The following PCDH11X variants were observed in gnomAD, a reference collection of about 807,000 sequenced individuals.
PCDH11X encodes the protein protocadherin 11 X-linked.
In PCDH11X, 18 loss-of-function variants were observed where a neutral mutation model predicts 53.3. The ratio of observed to expected loss-of-function variants is 0.34; its 90% CI spans 0.23 to 0.50. The LOEUF is 0.50. Among genes scored for constraint, PCDH11X ranks in the 20% least tolerant of loss-of-function variants. PCDH11X has a pLI of 0.98. For missense variants in PCDH11X, 570 were observed against 1,032.4 expected (o/e 0.55, Z 6.14); for synonymous variants, 279 against 393.3 (o/e 0.71, Z 3.44).
chrX:92,577,189 TG>T (rs1358507495), intron 10 of PCDH11X, among the ~76,000 whole-genome samples: 1 of 110,613 alleles, frequency 9.0e-6, no homozygotes, highest in African/African-American at 3.3e-5. Context: ...TTTTTTTGGT[TG>T]GTAGGTTATT....
chrX:92,052,101 A>G (rs1186309196), intron 6 of PCDH11X, among the ~76,000 whole-genome samples: 1 of 111,205 alleles, frequency 9.0e-6, no homozygotes, highest in Admixed American at 9.6e-5. Flanking sequence ...CCCCACAGCA[A>G]CTCAGAGGAG....
At chrX:92,051,813 T>C (rs2148048149) in intron 6 of PCDH11X, among the ~76,000 whole-genome samples, 1 of 110,864 alleles carries the variant, frequency 9.0e-6, no homozygotes, top group Non-Finnish European at 1.9e-5. Flanking sequence ...GTTGTACAAC[T>C]GTCTGAATAT....
At chrX:92,024,384 A>T (rs1353557225) in intron 6 of PCDH11X, among the ~76,000 whole-genome samples, 1 of 110,913 alleles carries the variant, frequency 9.0e-6, no homozygotes, top group Non-Finnish European at 1.9e-5. Flanking sequence ...ACAAGCAGAG[A>T]GCCAAATCAT....
chrX:91,880,710 G>A (rs1939852555), intron 6 of PCDH11X, among the ~76,000 whole-genome samples: 1 of 109,924 alleles, frequency 9.1e-6, no homozygotes, highest in Non-Finnish European at 1.9e-5. Flanking sequence ...AAGAATTTAC[G>A]CTGCAGTTGT....
Position 92,595,866 on chromosome X carries a change from A to G in PCDH11X, c.3368-22398A>G, listed in dbSNP as rs1367094143. Among the ~76,000 whole-genome samples the G allele has an allele frequency of 1.3e-3, 110 of 84,059 alleles. 1 individual carries two copies. Among genetic ancestry groups the G allele is most frequent in the African/African-American group, 4.7e-3 (105 of 22,473 alleles). The allele number at this position is 84,059 out of a possible 115,157, so 73.0% of individuals were successfully genotyped here. A position where few individuals can be genotyped will look rare whatever the true frequency, so the allele number is the denominator to read the frequency against. On this transcript the variant is annotated intron_variant, in intron 10 of 10. Transcript: ENST00000682573. ...TCCTCTATACCTAAAGATGCTTTAA[A>G]TCTAACACCTGGATAAATTGTACCC...
rs201266408 is a variant in PCDH11X, at chrX:91,854,469, C to T, written c.540+18425C>T. Among the ~76,000 whole-genome samples the T allele has an allele frequency of 6.2e-5, 7 of 112,517 alleles. No homozygotes were observed. In the East Asian group the frequency reaches 1.7e-3, roughly 27 times the overall value. ...AGTGCTGCAAAAAAGCCTGGGAGTG[C>T]AGATATCACTTTGATATACTTATCT... On this transcript the variant is annotated intron_variant, in intron 5 of 10. Coordinates refer to ENST00000682573, the MANE Select transcript of PCDH11X (RefSeq NM_032968.5).
chrX:92,467,644 A>G (rs2073182167), intron 9 of PCDH11X, among the ~76,000 whole-genome samples: 1 of 111,053 alleles, frequency 9.0e-6, no homozygotes. Context: ...AAAGTCAATA[A>G]TGCAAGGCTT....
chrX:92,263,359 C>G (rs1385707959), intron 8 of PCDH11X, among the ~76,000 whole-genome samples: 1 of 111,423 alleles, frequency 9.0e-6, no homozygotes, highest in Non-Finnish European at 1.9e-5. Context: ...TATTTTCCCC[C>G]AATACTTTCT....
chrX:92,522,803 G>A (rs1220449936), intron 10 of PCDH11X, among the ~76,000 whole-genome samples: 1 of 112,420 alleles, frequency 8.9e-6, no homozygotes, highest in African/African-American at 3.2e-5. Flanking sequence ...ATATTGTGGT[G>A]AGAGAGTTAA....
chrX:92,417,397 A>G (rs1569483540), intron 9 of PCDH11X, among the ~76,000 whole-genome samples: 2 of 110,399 alleles, frequency 1.8e-5, no homozygotes, highest in Non-Finnish European at 3.8e-5. Flanking sequence ...TATTAGAACA[A>G]AAGCTACATA....
Position 91,809,532 on chromosome X carries a change from A to G in PCDH11X, c.-312A>G, listed in dbSNP as rs767612415. On this transcript the variant is annotated 5_prime_UTR_variant, in exon 2 of 11. Coordinates refer to ENST00000682573, the MANE Select transcript of PCDH11X (RefSeq NM_032968.5). ...ATGGAAGAGGATGGAATATCTTAAC[A>G]AAACACATTTTCCTTAAGTAAATTC... Among the ~76,000 whole-genome samples, 1 of 106,232 alleles carries G rather than the reference A, an allele frequency of 9.4e-6. No homozygotes were observed. Among genetic ancestry groups the G allele is most frequent in the African/African-American group, 3.4e-5 (1 of 29,257 alleles). The allele number at this position is 106,232 out of a possible 115,157, so 92.2% of individuals were successfully genotyped here. A position where few individuals can be genotyped will look rare whatever the true frequency, so the allele number is the denominator to read the frequency against.
chrX:92,313,444 A>G (rs1385655139), intron 8 of PCDH11X, among the ~76,000 whole-genome samples: 1 of 111,371 alleles, frequency 9.0e-6, no homozygotes, highest in African/African-American at 3.3e-5. Flanking sequence ...TAAAGAAAAG[A>G]TACAATTTGT....
intron 10 of PCDH11X, among the ~76,000 whole-genome samples, chrX:92,501,206 A>G (rs1389548630): frequency 9.2e-6 from 1 of 108,110 alleles, no homozygotes; most frequent in African/African-American, 3.4e-5. Context: ...GACCAATAAC[A>G]TGTTCTAAAA....
Position 91,824,692 on chromosome X carries a change from G to A in PCDH11X, c.-44-10769G>A, listed in dbSNP as rs1230394580. Reference sequence around the variant, plus strand: ...TCTCAGCTCGTCAAAGTCATTCTCTGTTCAGCTTTGTTCCGTTGCTGGTGA... The same window carrying A: ...TCTCAGCTCGTCAAAGTCATTCTCTATTCAGCTTTGTTCCGTTGCTGGTGA... On this transcript the variant is annotated intron_variant, in intron 4 of 10. Coordinates refer to ENST00000682573, the MANE Select transcript of PCDH11X (RefSeq NM_032968.5). 2.5e-3 allele frequency among the ~76,000 whole-genome samples: 258 copies of A among 104,836 alleles called. 1 individual carries two copies. The highest frequency in any genetic ancestry group is 9.9e-3 in the African/African-American group (246 of 24,882). The allele number at this position is 104,836 out of a possible 115,157, so 91.0% of individuals were successfully genotyped here. A position where few individuals can be genotyped will look rare whatever the true frequency, so the allele number is the denominator to read the frequency against.
intron 6 of PCDH11X, among the ~76,000 whole-genome samples, chrX:92,101,586 T>C (rs994515677): frequency 3.6e-5 from 4 of 111,245 alleles, no homozygotes; most frequent in Non-Finnish European, 7.5e-5. Context: ...TATCAGACTG[T>C]ATTGAGGTGG....
At chrX:92,567,990 C>T (rs1279647895) in intron 10 of PCDH11X, among the ~76,000 whole-genome samples, 2 of 108,965 alleles carry the variant, frequency 1.8e-5, no homozygotes, top group Non-Finnish European at 3.8e-5. Flanking sequence ...TGTACATGTA[C>T]CCCTGAACTT....
intron 1 of PCDH11X, among the ~76,000 whole-genome samples, chrX:91,788,685 AG>A (rs1935411713): frequency 8.9e-6 from 1 of 112,074 alleles, no homozygotes; most frequent in Non-Finnish European, 1.9e-5. Context: ...ATTATGCCAA[AG>A]CAAAGCTTTC....
intron 8 of PCDH11X, among the ~76,000 whole-genome samples, chrX:92,327,112 A>C (rs1244591176): frequency 1.8e-5 from 2 of 109,265 alleles, no homozygotes; most frequent in African/African-American, 6.7e-5. Context: ...CTAAAAGTCT[A>C]ACATAGTAGG....
intron 6 of PCDH11X, among the ~76,000 whole-genome samples, chrX:91,903,659 G>A (rs1174428339): frequency 2.1e-5 from 2 of 95,011 alleles, no homozygotes; most frequent in Non-Finnish European, 4.3e-5. Context: ...CTATGTGCGT[G>A]TGTGTGTGTG....
Sources: allele counts gnomAD v4.1 joint callset (sites outside exome capture counted in the v4.1 genomes callset), GRCh38; gene constraint gnomAD v4.1.1; transcripts MANE v1.5; gene names NCBI Gene and HGNC (gene_info 2026-07-23, HGNC 2026-07-21).